Variants in TTC12 observed in about 807,000 individuals in gnomAD.
TTC12 encodes tetratricopeptide repeat domain 12, also known as tetratricopeptide repeat protein 12.
Under a neutral mutation model 90.1 loss-of-function variants are expected in TTC12, and 70 were observed. That is an observed-to-expected ratio of 0.78 (90% CI 0.64 to 0.95). TTC12 has a LOEUF of 0.95. Ranked by LOEUF, TTC12 falls within the 40% of genes least tolerant of loss-of-function variation. TTC12 has a pLI of 0.00. For missense variants in TTC12, 819 were observed against 846.1 expected, an observed-to-expected ratio of 0.97 and a Z score of 0.40; for synonymous variants, 296 against 311.5, an observed-to-expected ratio of 0.95 and a Z score of 0.53.
At chr11:113,345,782 T>TTAAA (rs1948917175) in intron 13 of TTC12, among the ~76,000 whole-genome samples, 1 of 152,132 alleles carries the variant, frequency 6.6e-6, no homozygotes, top group Non-Finnish European at 1.5e-5. Context: ...TTTTTTAATA[T>TTAAA]TGTTTTTGTC....
rs1555155690 is a variant in TTC12, at chr11:113,362,512, C to A, written c.1716+10C>A. On this transcript the variant is annotated intron_variant, in intron 19 of 21. Coordinates refer to ENST00000529221, the MANE Select transcript of TTC12 (RefSeq NM_017868.4). ...GATGAAATTCCTGAAGGTAAGATCA[C>A]TTTATTGGTTACAACCCCTGAAATG... is the stretch of plus-strand genomic sequence containing the variant. The A allele has an allele frequency of 6.4e-7, 1 of 1,564,406 alleles. No homozygotes were observed.
downstream of TTC12, among the ~76,000 whole-genome samples, chr11:113,369,419 C>T (rs1055105940): frequency 7.4e-6 from 1 of 135,048 alleles, no homozygotes; most frequent in East Asian, 2.7e-4. Flanking sequence ...CCATGCCCGC[C>T]CCCCCACCCC....
intron 7 of TTC12, among the ~76,000 whole-genome samples, chr11:113,330,196 G>A (rs782350350): frequency 1.1e-4 from 16 of 152,316 alleles, no homozygotes; most frequent in Middle Eastern, 3.4e-3. Context: ...TGCTGCTATT[G>A]AAGTTTCAAT....
intron 11 of TTC12, 64 bp downstream of exon 11, chr11:113,340,797 T>G: frequency 2.2e-6 from 3 of 1,362,370 alleles, no homozygotes; most frequent in Non-Finnish European, 3.2e-6. Context: ...GCTTATGAAA[T>G]CAGACACGAG....
chr11:113,315,279 C>T (rs1946863443), intron 1 of TTC12: 1 of 152,144 alleles, frequency 6.6e-6, no homozygotes, highest in Non-Finnish European at 1.5e-5. Flanking sequence ...CGTAGTTTCT[C>T]TCTTACTGTT....
chr11:113,372,496 G>A (rs1009869202), intron 21 of TTC12, among the ~76,000 whole-genome samples: 1 of 152,092 alleles, frequency 6.6e-6, no homozygotes, highest in African/African-American at 2.4e-5. Context: ...GTCTGTAGGG[G>A]GAGTAAGACC....
intron 8 of TTC12, among the ~76,000 whole-genome samples, chr11:113,336,842 T>C (rs535244407): frequency 6.6e-6 from 1 of 152,296 alleles, no homozygotes; most frequent in Admixed American, 6.5e-5. Flanking sequence ...TGCTCTCAAA[T>C]TTCTATATGA....
At chr11:113,321,336 CAT>C (rs1413001254) in intron 2 of TTC12, among the ~76,000 whole-genome samples, 5 of 152,140 alleles carry the variant, frequency 3.3e-5, no homozygotes, top group African/African-American at 7.2e-5. Flanking sequence ...GGATATGTAA[CAT>C]GTGCACAAGG....
chr11:113,338,583 GC>G lies in TTC12; in HGVS notation c.577-186del, dbSNP rs565970243. On this transcript the variant is annotated intron_variant, in intron 8 of 21. Transcript: ENST00000529221. ...AACTAATTTTGAAATAATTCCTGTTGCCCCCTAGAACTGGAGACGCCTGAAC... is the reference window on the plus strand; with the variant it reads ...AACTAATTTTGAAATAATTCCTGTTGCCCCTAGAACTGGAGACGCCTGAAC... Among the ~76,000 whole-genome samples the G allele has an allele frequency of 2.2e-3, 342 of 152,166 alleles. 2 individuals carry two copies. The Middle Eastern group carries it at 0.031, about 14-fold the overall frequency.
chr11:113,334,500 C>G (rs1000416155), intron 7 of TTC12, among the ~76,000 whole-genome samples: 1 of 152,074 alleles, frequency 6.6e-6, no homozygotes. Flanking sequence ...AGAGTAAGTT[C>G]TCTTCTCTTC....
intron 10 of TTC12, among the ~76,000 whole-genome samples, chr11:113,340,328 G>A (rs1948612024): frequency 1.3e-5 from 2 of 152,228 alleles, no homozygotes; most frequent in Admixed American, 1.3e-4. Flanking sequence ...AAGAACAGAT[G>A]GATATGCTGG....
chr11:113,316,076 A>G (rs1359222071), intron 1 of TTC12, 167 bp from the exon 2 acceptor site: 2 of 399,060 alleles, frequency 5.0e-6, no homozygotes, highest in African/African-American at 2.1e-5. Context: ...CTCTTGGCCT[A>G]AAACAGCAGT....
downstream of TTC12, chr11:113,368,068 C>T: frequency 1.3e-6 from 1 of 759,714 alleles, no homozygotes. Context: ...AGTTCAGGCC[C>T]CGCCTTCCCC....
chr11:113,360,068 T>A, intron 18 of TTC12, 60 bp downstream of exon 18: 3 of 1,219,718 alleles, frequency 2.5e-6, no homozygotes, highest in Non-Finnish European at 3.5e-6. Context: ...TGTTTTGTTT[T>A]GTTTTGTTTT....
At chr11:113,321,466 A>G (rs1002202923) in intron 2 of TTC12, among the ~76,000 whole-genome samples, 1 of 152,252 alleles carries the variant, frequency 6.6e-6, no homozygotes, top group African/African-American at 2.4e-5. Context: ...GTTTAAATGA[A>G]TCAACTGGAA....
intron 6 of TTC12, among the ~76,000 whole-genome samples, chr11:113,326,845 G>C (rs1555141211): frequency 6.6e-6 from 1 of 152,118 alleles, no homozygotes; most frequent in Non-Finnish European, 1.5e-5. Context: ...TTCCCCTAAT[G>C]CTTTATTTAT....
At chr11:113,372,021 G>A (rs80238250) in intron 21 of TTC12, among the ~76,000 whole-genome samples, 3,658 of 152,182 alleles carry the variant, frequency 0.024, 145 homozygotes, top group African/African-American at 0.084. Flanking sequence ...CTTTTCTGGG[G>A]TTCTTAAATG....
intron 8 of TTC12, 48 bp downstream of exon 8, chr11:113,335,085 G>A (rs1555143668): frequency 7.5e-7 from 1 of 1,339,182 alleles, no homozygotes; most frequent in East Asian, 2.3e-5. Flanking sequence ...ACAGACTGAT[G>A]CTCCCAGTTG....
chr11:113,363,784 T>A, intron 19 of TTC12, 44 bp from the exon 20 acceptor site: 1 of 1,381,734 alleles, frequency 7.2e-7, no homozygotes, highest in Non-Finnish European at 1.0e-6. Context: ...TCAAGAGCAA[T>A]CATAGCACTG....
Sources: gnomAD v4.1 joint callset for allele counts (sites outside exome capture counted in the v4.1 genomes callset) on GRCh38, gnomAD v4.1.1 for gene constraint, MANE v1.5 for transcripts, NCBI Gene and HGNC (gene_info 2026-07-23, HGNC 2026-07-21) for gene names.